Variants in MED13 observed in about 807,000 individuals in gnomAD.
The protein encoded by MED13 is mediator of RNA polymerase II transcription subunit 13.
In MED13, 23 loss-of-function variants were observed where a neutral mutation model predicts 225.2. The observed-to-expected ratio is 0.10, with a 90% confidence interval of 0.07 to 0.14. The LOEUF is 0.14. Among genes scored for constraint, MED13 ranks in the 10% least tolerant of loss-of-function variants. The probability of loss-of-function intolerance (pLI) is 1.00; values close to 1 mark genes in which losing one functional copy is unlikely to be tolerated. For missense variants in MED13, 2,197 were observed against 2,594.5 expected (o/e 0.85, Z 3.33); for synonymous variants, 942 against 889.2 (o/e 1.06, Z -1.06).
chr17:61,995,807 T>C (rs1349900491), intron 9 of MED13, among the ~76,000 whole-genome samples: 1 of 152,212 alleles, frequency 6.6e-6, no homozygotes, highest in Non-Finnish European at 1.5e-5. Context: ...TTATGTATTT[T>C]TTTTTTACTG....
chr17:62,040,465 A>T (rs2080843820), intron 3 of MED13, among the ~76,000 whole-genome samples: 1 of 152,220 alleles, frequency 6.6e-6, no homozygotes, highest in Non-Finnish European at 1.5e-5. Flanking sequence ...TAAAACAGAA[A>T]ATGAAGACGT....
intron 3 of MED13, among the ~76,000 whole-genome samples, chr17:62,048,200 G>A (rs181532651): frequency 9.3e-5 from 14 of 150,146 alleles, no homozygotes; most frequent in Admixed American, 4.6e-4. Context: ...GAGGCCAGGA[G>A]ATCAAGACCA....
chr17:62,001,264 C>T (rs2080392206), intron 9 of MED13, among the ~76,000 whole-genome samples: 1 of 152,168 alleles, frequency 6.6e-6, no homozygotes, highest in Admixed American at 6.6e-5. Context: ...TCCTACTTTA[C>T]TGTTTAACTG....
intron 16 of MED13, among the ~76,000 whole-genome samples, chr17:61,974,783 G>A (rs2080139464): frequency 6.6e-6 from 1 of 151,950 alleles, no homozygotes; most frequent in Admixed American, 6.6e-5. Context: ...AATTCAGAAT[G>A]GATCAGAGAT....
At chr17:62,046,522 G>C (rs889005977) in intron 3 of MED13, among the ~76,000 whole-genome samples, 1 of 152,190 alleles carries the variant, frequency 6.6e-6, no homozygotes, top group Non-Finnish European at 1.5e-5. Flanking sequence ...GCATCTGTTG[G>C]ATTCATGAAA....
chr17:62,039,233 C>T (rs1221958642), intron 3 of MED13, among the ~76,000 whole-genome samples: 2 of 152,128 alleles, frequency 1.3e-5, no homozygotes, highest in Non-Finnish European at 2.9e-5. Context: ...CTTATTGTAA[C>T]ATTCAGTGGT....
In MED13 at chr17:62,010,900, G is replaced by C. The variant is rs759845755; in HGVS notation, c.1617C>G (p.His539Gln). Residue 539 changes from histidine (H) to glutamine (Q), a missense_variant, in exon 9 of 30, where the codon CAC becomes CAG. By Grantham distance (24) the His-to-Gln change is conservative. Around this residue, in one of 12 missense-constraint regions of MED13, gnomAD observed 884 missense variants for 918.5 expected, o/e 0.96. Coordinates refer to ENST00000397786, the MANE Select transcript of MED13 (RefSeq NM_005121.3). Reference protein sequence around the residue: ...NSPQPPPLSPHPCDVVDEGVT... With the variant: ...NSPQPPPLSPQPCDVVDEGVT... ...CTCCTTCATCAACCACATCACAAGG[G>C]TGAGGACTAAGTGGGGGTGGTTGAG... 10 of 1,613,864 alleles carry C rather than the reference G, an allele frequency of 6.2e-6. No individual in the cohort carries two copies. The East Asian group carries it at 6.7e-5, about 11-fold the overall frequency.
intron 1 of MED13, among the ~76,000 whole-genome samples, chr17:62,064,489 C>A (rs2081065403): frequency 1.3e-5 from 2 of 152,220 alleles, no homozygotes; most frequent in Non-Finnish European, 2.9e-5. Context: ...GCCCCCTTCA[C>A]TCTCACAAAA....
intron 9 of MED13, chr17:62,007,233 T>TC (rs1012668647): frequency 6.6e-6 from 1 of 151,764 alleles, no homozygotes; most frequent in African/African-American, 2.4e-5. Context: ...AGAGCAAGAC[T>TC]CCATCTCAAA....
intron 8 of MED13, among the ~76,000 whole-genome samples, chr17:62,017,886 A>G (rs901702591): frequency 1.3e-5 from 2 of 152,250 alleles, no homozygotes; most frequent in Non-Finnish European, 2.9e-5. Context: ...TTTTGAGGAA[A>G]AGCGCTTGTA....
In MED13 at chr17:61,971,818, C is replaced by CA. The variant is rs573096181; in HGVS notation, c.3967+908dup. On this transcript the variant is annotated intron_variant, in intron 17 of 29. Transcript: ENST00000397786. ...GCATGGTGGCGTGCACCCATACTCCCAGCTGTTCGGGAGGCTAAGCCAGGA... is the reference window on the plus strand; with the variant it reads ...GCATGGTGGCGTGCACCCATACTCCCAAGCTGTTCGGGAGGCTAAGCCAGGA... Among the ~76,000 whole-genome samples the CA allele has an allele frequency of 6.7e-3, 1,022 of 152,024 alleles. 7 individuals are homozygous for CA. The highest frequency in any genetic ancestry group is 0.034 in the Middle Eastern group (10 of 292).
At chr17:61,978,657 A>C (rs2080177850) in intron 16 of MED13, among the ~76,000 whole-genome samples, 1 of 151,958 alleles carries the variant, frequency 6.6e-6, no homozygotes, top group Non-Finnish European at 1.5e-5. Flanking sequence ...CAGGTAGTAT[A>C]TAGTGCTAGA....
intron 12 of MED13, among the ~76,000 whole-genome samples, chr17:61,986,133 T>C (rs1400778450): frequency 1.3e-5 from 2 of 152,208 alleles, no homozygotes; most frequent in African/African-American, 4.8e-5. Flanking sequence ...AGAGAGAAAG[T>C]ATGAATGTGC....
chr17:61,947,767 TG>T (rs1409930833), intron 28 of MED13, among the ~76,000 whole-genome samples: 1 of 152,154 alleles, frequency 6.6e-6, no homozygotes, highest in Non-Finnish European at 1.5e-5. Context: ...CAATGAATAG[TG>T]GGAGAAAGGA....
intron 8 of MED13, among the ~76,000 whole-genome samples, chr17:62,021,344 A>G (rs7223398): frequency 0.96 from 119,082 of 123,932 alleles, 57,127 homozygotes; most frequent in Non-Finnish European, 0.97. Flanking sequence ...CCTCCCGGAC[A>G]GGGTGGCTGG....
intron 8 of MED13, among the ~76,000 whole-genome samples, chr17:62,017,218 C>CT (rs1367868443): frequency 1.4e-5 from 1 of 73,278 alleles, no homozygotes; most frequent in Non-Finnish European, 2.7e-5. Flanking sequence ...AACTAAAATG[C>CT]TAAAAAAAAA....
rs2081017011 is a variant in MED13 at position 62,058,964 on chromosome 17, CAAA to C, written c.301+4100_301+4102del. 2.0e-5 allele frequency among the ~76,000 whole-genome samples: 3 copies of C among 152,272 alleles called. No individual in the cohort carries two copies. The East Asian group carries it at 5.8e-4, about 29-fold the overall frequency. ...AAACTTGAAAGGAAGGTAACCCAAA[CAAA>C]TGCTAAGTGACATAAGAGAAAATGA... On this transcript the variant is annotated intron_variant, in intron 2 of 29. Transcript: ENST00000397786.
chr17:61,968,395 G>C, intron 17 of MED13, 137 bp from the exon 18 acceptor site: 1 of 588,892 alleles, frequency 1.7e-6, no homozygotes, highest in Admixed American at 3.8e-5. Flanking sequence ...GCGCCATCTC[G>C]GCTCACTGCA....
At chr17:61,971,897 G>A (rs988082634) in intron 17 of MED13, among the ~76,000 whole-genome samples, 4 of 151,946 alleles carry the variant, frequency 2.6e-5, no homozygotes, top group African/African-American at 9.7e-5. Context: ...CGGCGCCAGT[G>A]CACTCCAGCC....
Sources: gnomAD v4.1 joint callset for allele counts (sites outside exome capture counted in the v4.1 genomes callset) on GRCh38, gnomAD v4.1.1 for gene constraint, gnomAD v4.1.1 regional missense constraint, MANE v1.5 for transcripts, NCBI Gene and HGNC (gene_info 2026-07-23, HGNC 2026-07-21) for gene names.